EIF2AK4: variants seen among roughly 807,000 people sequenced by gnomAD.
The protein encoded by EIF2AK4 is eukaryotic translation initiation factor 2 alpha kinase 4.
EIF2AK4 carries 139 observed loss-of-function variants against 211.1 expected under a neutral mutation model. The ratio of observed to expected loss-of-function variants is 0.66; its 90% CI spans 0.57 to 0.76. EIF2AK4 has a LOEUF of 0.76. Ranked by LOEUF, EIF2AK4 falls within the 30% of genes least tolerant of loss-of-function variation. The probability of loss-of-function intolerance (pLI) is 0.00; values close to 1 mark genes in which losing one functional copy is unlikely to be tolerated. For missense variants in EIF2AK4, 1,664 were observed against 2,043.8 expected (o/e 0.81, Z 3.58); for synonymous variants, 710 against 751.3 (o/e 0.94, Z 0.90).
chr15:39,955,561 C>T, intron 5 of EIF2AK4, 59 bp from the exon 6 acceptor site: 1 of 1,517,852 alleles, frequency 6.6e-7, no homozygotes, highest in South Asian at 1.3e-5. Context: ...AATTATGTAC[C>T]ATGATTTTCT....
At chr15:39,935,474 C>T (rs776152198) in intron 1 of EIF2AK4, among the ~76,000 whole-genome samples, 2 of 152,036 alleles carry the variant, frequency 1.3e-5, no homozygotes, top group Non-Finnish European at 2.9e-5. Context: ...GGACTACAGG[C>T]ACATGCCACT....
At chr15:39,955,848 A>G (rs974239477) in intron 6 of EIF2AK4, 80 bp downstream of exon 6, 1 of 1,455,104 alleles carries the variant, frequency 6.9e-7, no homozygotes, top group Non-Finnish European at 9.1e-7. Context: ...GTGAAATTTG[A>G]TGGAAATTTC....
chr15:39,953,892 G>A lies in EIF2AK4; in HGVS notation c.514-12G>A, dbSNP rs1168247771. 1 of 1,610,684 alleles carries A rather than the reference G, an allele frequency of 6.2e-7. No homozygotes were observed. Among genetic ancestry groups the A allele is most frequent in the South Asian group, 1.1e-5 (1 of 90,484 alleles). On this transcript the variant is annotated splice_polypyrimidine_tract_variant and intron_variant, in intron 4 of 38. Coordinates refer to ENST00000263791, the MANE Select transcript of EIF2AK4 (RefSeq NM_001013703.4). ...AGAGATTGGCATTTGATGATGGTTT[G>A]ATTTATTTCAGCAACGTGAAATCCT...
chr15:39,997,065 T>C lies in EIF2AK4; in HGVS notation c.2868T>C (p.Asp956=). ...TCTTTGTTCTCAACCAACTCAGAGA[T>C]GTATGTATCAGGTGTTTTAGTGCCT... ...ERIFVLNQLR[D]PTSPKFPEDF... The change falls in exon 19 of 39, where the codon GAT becomes GAC. Residue 956 remains aspartate, a splice_region_variant and synonymous_variant. Transcript: ENST00000263791. The C allele has an allele frequency of 6.2e-7, 1 of 1,607,364 alleles. No individual in the cohort carries two copies.
At chr15:39,944,030 T>C (rs547258916) in intron 3 of EIF2AK4, among the ~76,000 whole-genome samples, 1 of 152,310 alleles carries the variant, frequency 6.6e-6, no homozygotes, top group African/African-American at 2.4e-5. Flanking sequence ...TTTTGTATAC[T>C]TTGGATCTTG....
chr15:39,949,706 A>T (rs2034280438), intron 4 of EIF2AK4, among the ~76,000 whole-genome samples: 2 of 152,198 alleles, frequency 1.3e-5, no homozygotes, highest in African/African-American at 2.4e-5. Flanking sequence ...TAAAAATAAG[A>T]CAGTTAATAT....
At position 39,965,785 on chromosome 15, in the gene EIF2AK4, A is replaced by G; in HGVS notation, c.959A>G (p.Lys320Arg). Residue 320 changes from lysine (K) to arginine (R), a missense_variant, in exon 8 of 39, where the codon AAA (lysine) becomes AGA (arginine). Physicochemically the swap from Lys to Arg is conservative, Grantham distance 26. Transcript: ENST00000263791. The stretch of plus-strand genomic sequence containing the variant: ...GAGTGGGTCCTTCAGTGGCAGAAAA[A>G]AATGGGTCCATTCCTTACCAGTCAA... ...LYEWVLQWQKKMGPFLTSQEK... is the reference protein window; with the variant it reads ...LYEWVLQWQKRMGPFLTSQEK... 1 of 1,614,146 alleles carries G rather than the reference A, an allele frequency of 6.2e-7. No homozygotes were observed. Among genetic ancestry groups the G allele is most frequent in the Non-Finnish European group, 8.5e-7 (1 of 1,179,972 alleles).
At chr15:40,005,814 G>A (rs570222577) in intron 23 of EIF2AK4, among the ~76,000 whole-genome samples, 4 of 152,000 alleles carry the variant, frequency 2.6e-5, no homozygotes, top group South Asian at 2.1e-4. Context: ...CTCGTGATCC[G>A]CCCACCTGGG....
intron 26 of EIF2AK4, among the ~76,000 whole-genome samples, chr15:40,010,002 G>A (rs978912493): frequency 6.6e-6 from 1 of 152,168 alleles, no homozygotes; most frequent in African/African-American, 2.4e-5. Flanking sequence ...AATTTTAAAA[G>A]ATCAAATTAT....
At position 39,956,048 on chromosome 15, in the gene EIF2AK4, C is replaced by T. The variant is rs1052371911; in HGVS notation, c.743+280C>T. On this transcript the variant is annotated intron_variant, in intron 6 of 38. Transcript: ENST00000263791. Reference sequence around the variant, plus strand: ...TGAGACGGTGTCTCGCTCTGTCACCCAGGCTGCAGTGCAATGGCACGGGCT... The same window carrying T: ...TGAGACGGTGTCTCGCTCTGTCACCTAGGCTGCAGTGCAATGGCACGGGCT... Among the ~76,000 whole-genome samples the T allele has an allele frequency of 3.4e-5, 5 of 145,566 alleles. No individual in the cohort carries two copies. In the East Asian group the frequency reaches 6.1e-4, roughly 18 times the overall value.
At chr15:39,934,386 C>T in intron 1 of EIF2AK4, 47 bp downstream of exon 1, 1 of 1,561,696 alleles carries the variant, frequency 6.4e-7, no homozygotes, top group Non-Finnish European at 8.7e-7. Flanking sequence ...CCTGGCCTCC[C>T]CGGGCCCTGG....
At chr15:40,002,252 A>G (rs1342553925) in intron 21 of EIF2AK4, 1 of 152,860 alleles carries the variant, frequency 6.5e-6, no homozygotes, top group Admixed American at 6.5e-5. Context: ...GTGAAATGGT[A>G]CTACTTTTAT....
At chr15:39,958,823 G>A (rs923006105) in intron 6 of EIF2AK4, among the ~76,000 whole-genome samples, 2 of 151,932 alleles carry the variant, frequency 1.3e-5, no homozygotes, top group Non-Finnish European at 2.9e-5. Flanking sequence ...GATCATAATG[G>A]TAGAGCAATC....
intron 2 of EIF2AK4, among the ~76,000 whole-genome samples, chr15:39,939,965 A>G (rs1447939663): frequency 6.6e-6 from 1 of 152,236 alleles, no homozygotes; most frequent in African/African-American, 2.4e-5. Flanking sequence ...AAGCCCTTGC[A>G]TAGTTAGAGT....
chr15:40,027,316 G>A (rs2898983), intron 33 of EIF2AK4, among the ~76,000 whole-genome samples: 2,016 of 152,134 alleles, frequency 0.013, 42 homozygotes, highest in African/African-American at 0.047. Flanking sequence ...TGGAAAACTC[G>A]GTTGCACATT....
intron 4 of EIF2AK4, among the ~76,000 whole-genome samples, chr15:39,952,839 A>G (rs764631471): frequency 6.6e-6 from 1 of 151,458 alleles, no homozygotes; most frequent in African/African-American, 2.4e-5. Context: ...GTTCTTTTTT[A>G]TTATTTTTAT....
intron 26 of EIF2AK4, among the ~76,000 whole-genome samples, chr15:40,011,065 T>C (rs1333541591): frequency 6.6e-6 from 1 of 152,192 alleles, no homozygotes; most frequent in Non-Finnish European, 1.5e-5. Flanking sequence ...CTTTTAATTC[T>C]TTTGTCAGGG....
chr15:40,020,721 C>CTTT (rs57323541), intron 30 of EIF2AK4, 178 bp from the exon 31 acceptor site: 3 of 294,816 alleles, frequency 1.0e-5, no homozygotes, highest in Non-Finnish European at 1.8e-5. Flanking sequence ...TTGAGTGTGT[C>CTTT]TTTTTTTTTT....
At chr15:40,006,684 A>G (rs1403436053) in intron 23 of EIF2AK4, among the ~76,000 whole-genome samples, 1 of 152,244 alleles carries the variant, frequency 6.6e-6, no homozygotes, top group Non-Finnish European at 1.5e-5. Flanking sequence ...TTCATAAATA[A>G]ATAACTTGCA....
Sources: gnomAD v4.1 joint callset for allele counts (sites outside exome capture counted in the v4.1 genomes callset) on GRCh38, gnomAD v4.1.1 for gene constraint, MANE v1.5 for transcripts, NCBI Gene and HGNC (gene_info 2026-07-23, HGNC 2026-07-21) for gene names.